Variants in KCNN2 observed in about 807,000 individuals in gnomAD.
KCNN2 encodes small conductance calcium-activated potassium channel protein 2.
In KCNN2, 24 loss-of-function variants were observed where a neutral mutation model predicts 55.5. The ratio of observed to expected loss-of-function variants is 0.43; its 90% CI spans 0.31 to 0.61. The LOEUF (loss-of-function observed/expected upper bound fraction) is 0.61, where lower values mean the gene tolerates loss of function less well. KCNN2 is among the 20% of genes least tolerant of loss of function. The pLI is 0.08. For missense variants in KCNN2, 754 were observed against 853.6 expected (o/e 0.88, Z 1.45); for synonymous variants, 431 against 336.1 (o/e 1.28, Z -3.09).
At chr5:114,138,150 C>A (rs892502479) in intron 1 of KCNN2, among the ~76,000 whole-genome samples, 1 of 151,994 alleles carries the variant, frequency 6.6e-6, no homozygotes, top group Non-Finnish European at 1.5e-5. Flanking sequence ...ACAAAAAAAC[C>A]CACAACACAT....
At chr5:114,304,807 A>G (rs1206282757) in intron 2 of KCNN2, among the ~76,000 whole-genome samples, 1 of 152,152 alleles carries the variant, frequency 6.6e-6, no homozygotes, top group African/African-American at 2.4e-5. Flanking sequence ...GGTCAGAGAG[A>G]TTTTCCCAAG....
intron 1 of KCNN2, among the ~76,000 whole-genome samples, chr5:114,070,595 G>A (rs1750548338): frequency 1.3e-5 from 2 of 152,160 alleles, no homozygotes; most frequent in Non-Finnish European, 2.9e-5. Context: ...TGTTTTGCAG[G>A]TCCAGAAACG....
chr5:114,115,846 C>G (rs1751698678), intron 1 of KCNN2, among the ~76,000 whole-genome samples: 1 of 151,956 alleles, frequency 6.6e-6, no homozygotes, highest in Non-Finnish European at 1.5e-5. Flanking sequence ...CCCCTGTACT[C>G]TTGGCGATAA....
intron 2 of KCNN2, among the ~76,000 whole-genome samples, chr5:114,274,632 T>C (rs1252738510): frequency 6.6e-6 from 1 of 152,212 alleles, no homozygotes; most frequent in African/African-American, 2.4e-5. Flanking sequence ...TTTGGCTCTC[T>C]GTTTGTCTGT....
chr5:114,143,759 G>A (rs1281154719), intron 1 of KCNN2, among the ~76,000 whole-genome samples: 18 of 152,126 alleles, frequency 1.2e-4, no homozygotes, highest in Admixed American at 1.2e-3. Context: ...GTGCAACTTT[G>A]TATTTACAAT....
chr5:114,231,798 G>T (rs190143525), intron 2 of KCNN2, among the ~76,000 whole-genome samples: 1 of 150,338 alleles, frequency 6.7e-6, no homozygotes, highest in Non-Finnish European at 1.5e-5. Context: ...ATCACTAGAT[G>T]ACTTAATCAC....
At chr5:114,161,642 T>G (rs1196285817) in intron 1 of KCNN2, among the ~76,000 whole-genome samples, 1 of 152,240 alleles carries the variant, frequency 6.6e-6, no homozygotes, top group African/African-American at 2.4e-5. Context: ...GGTACACCAA[T>G]CAGACGTAGA....
intron 1 of KCNN2, among the ~76,000 whole-genome samples, chr5:114,183,207 A>G (rs546805287): frequency 1.3e-5 from 2 of 152,074 alleles, no homozygotes; most frequent in Non-Finnish European, 2.9e-5. Context: ...TCCATCTGGC[A>G]TTTCTGGAAT....
chr5:114,167,913 C>A (rs535858128), intron 1 of KCNN2, among the ~76,000 whole-genome samples: 247 of 152,200 alleles, frequency 1.6e-3, no homozygotes, highest in African/African-American at 5.7e-3. Flanking sequence ...TAAAGGGTAT[C>A]ATGCAGTAGG....
At chr5:114,452,656 C>T (rs2150106026) in intron 3 of KCNN2, among the ~76,000 whole-genome samples, 1 of 152,266 alleles carries the variant, frequency 6.6e-6, no homozygotes, top group South Asian at 2.1e-4. Context: ...TGGCTTCACC[C>T]CCGGAGACCT....
chr5:114,219,402 G>T (rs933633479), intron 1 of KCNN2, among the ~76,000 whole-genome samples: 12 of 152,132 alleles, frequency 7.9e-5, no homozygotes, highest in African/African-American at 2.9e-4. Context: ...TAAATGTGGG[G>T]GATTTTATTG....
At chr5:114,386,352 T>C (rs1203809913) in intron 2 of KCNN2, among the ~76,000 whole-genome samples, 1 of 152,106 alleles carries the variant, frequency 6.6e-6, no homozygotes, top group African/African-American at 2.4e-5. Flanking sequence ...ATTTTATTGA[T>C]TACTGTATCT....
chr5:114,212,789 T>C (rs912979410), intron 1 of KCNN2, among the ~76,000 whole-genome samples: 8 of 152,038 alleles, frequency 5.3e-5, no homozygotes, highest in African/African-American at 1.7e-4. Context: ...TGATCATATA[T>C]CCAATTTGCC....
rs1189190784 is a variant in KCNN2, at chr5:114,488,096, C to T, written c.2018+919C>T. Among the ~76,000 whole-genome samples the T allele has an allele frequency of 2.0e-5, 3 of 152,304 alleles. No homozygotes were observed. The South Asian group carries it at 6.2e-4, about 32-fold the overall frequency. On this transcript the variant is annotated intron_variant, in intron 6 of 7. Coordinates refer to ENST00000673685, the MANE Select transcript of KCNN2 (RefSeq NM_021614.4). ...TTCATATGTAATATGGTACCACTAA[C>T]ATTCTATAGGAAATTACTAAGCATT...
chr5:114,429,252 T>C (rs578154465), intron 3 of KCNN2, among the ~76,000 whole-genome samples: 1 of 152,246 alleles, frequency 6.6e-6, no homozygotes, highest in Non-Finnish European at 1.5e-5. Context: ...CAAATACTGG[T>C]AAATACAAAT....
intron 1 of KCNN2, among the ~76,000 whole-genome samples, chr5:114,104,572 A>G (rs1322791911): frequency 6.6e-6 from 1 of 152,018 alleles, no homozygotes; most frequent in Non-Finnish European, 1.5e-5. Flanking sequence ...TGTTTGCAAT[A>G]CCCTGGTTCC....
At chr5:114,243,123 A>G (rs1162435470) in intron 2 of KCNN2, among the ~76,000 whole-genome samples, 2 of 152,224 alleles carry the variant, frequency 1.3e-5, no homozygotes, top group South Asian at 2.1e-4. Context: ...TATATTTTAT[A>G]CTGCATAAAA....
intron 2 of KCNN2, among the ~76,000 whole-genome samples, chr5:114,237,863 G>A (rs577471358): frequency 6.6e-6 from 1 of 152,270 alleles, no homozygotes; most frequent in African/African-American, 2.4e-5. Flanking sequence ...GGTGACTCAG[G>A]GAACTGAATC....
At chr5:114,450,107 C>T (rs1279162969) in intron 3 of KCNN2, among the ~76,000 whole-genome samples, 1 of 152,208 alleles carries the variant, frequency 6.6e-6, no homozygotes, top group Non-Finnish European at 1.5e-5. Context: ...CGTTCTTTGC[C>T]TCTGAGGTGC....
Sources: allele counts gnomAD v4.1 joint callset (sites outside exome capture counted in the v4.1 genomes callset), GRCh38; gene constraint gnomAD v4.1.1; transcripts MANE v1.5; gene names NCBI Gene and HGNC (gene_info 2026-07-23, HGNC 2026-07-21).